The following SERGEF variants were observed in gnomAD, a reference collection of about 807,000 sequenced individuals.
The protein encoded by SERGEF is secretion regulating guanine nucleotide exchange factor, also known as secretion-regulating guanine nucleotide exchange factor.
A neutral mutation model predicts 50.0 loss-of-function variants in SERGEF; 51 were observed. The observed-to-expected ratio is 1.02, with a 90% CI of 0.81 to 1.29. SERGEF has a LOEUF of 1.29. Ranked by LOEUF, SERGEF falls within the 50% of genes most tolerant of loss-of-function variation. The pLI is 0.00. For synonymous variants in SERGEF, 205 were observed against 212.4 expected (o/e 0.97, Z 0.30); for missense variants, 521 against 557.0 (o/e 0.94, Z 0.65).
At chr11:17,897,330 C>T (rs1311434030) in intron 9 of SERGEF, among the ~76,000 whole-genome samples, 1 of 152,164 alleles carries the variant, frequency 6.6e-6, no homozygotes, top group African/African-American at 2.4e-5. Context: ...GAATCCAGTC[C>T]AGCTGACACC....
intron 10 of SERGEF, among the ~76,000 whole-genome samples, chr11:17,823,831 A>C (rs1244616852): frequency 6.6e-5 from 10 of 152,172 alleles, no homozygotes; most frequent in Non-Finnish European, 5.9e-5. Flanking sequence ...TTACCTACTT[A>C]TTATCCATTC....
chr11:17,874,658 C>A (rs1851209645), intron 10 of SERGEF, among the ~76,000 whole-genome samples: 1 of 152,220 alleles, frequency 6.6e-6, no homozygotes, highest in East Asian at 1.9e-4. Context: ...CAGGCTGGAA[C>A]ATGCAGGGCC....
chr11:17,903,015 G>T (rs554315539), intron 9 of SERGEF, among the ~76,000 whole-genome samples: 1 of 152,164 alleles, frequency 6.6e-6, no homozygotes, highest in African/African-American at 2.4e-5. Context: ...GGCTTTCCTC[G>T]GAAGGATAAA....
At chr11:17,958,463 C>T (rs144510484) in intron 9 of SERGEF, among the ~76,000 whole-genome samples, 237 of 152,182 alleles carry the variant, frequency 1.6e-3, no homozygotes, top group African/African-American at 5.5e-3. Context: ...CAGAAACGCA[C>T]ACCCTGGAGA....
intron 3 of SERGEF, 24 bp downstream of exon 3, chr11:18,006,567 A>C (rs751433821): frequency 6.2e-7 from 1 of 1,604,044 alleles, no homozygotes; most frequent in Non-Finnish European, 8.5e-7. Context: ...GTGGTGACAA[A>C]AATCTACCTA....
chr11:17,969,709 G>A (rs533175849), intron 8 of SERGEF, among the ~76,000 whole-genome samples: 1 of 152,170 alleles, frequency 6.6e-6, no homozygotes, highest in African/African-American at 2.4e-5. Context: ...CTGCCTGGTG[G>A]GGACAGGAAA....
At chr11:17,981,288 C>T (rs1853490951) in intron 8 of SERGEF, among the ~76,000 whole-genome samples, 1 of 152,232 alleles carries the variant, frequency 6.6e-6, no homozygotes, top group African/African-American at 2.4e-5. Context: ...TCACAAATAT[C>T]TGCTAAAGGA....
Position 18,012,938 on chromosome 11 carries a change from C to G in SERGEF, c.60+13G>C. Reference sequence around the variant, plus strand: ...CTCAGGGCCTGCACCGGCCCGGGGGCGGAGTCACGTACCCAGGCGAAGAGC... The same window carrying G: ...CTCAGGGCCTGCACCGGCCCGGGGGGGGAGTCACGTACCCAGGCGAAGAGC... On this transcript the variant is annotated intron_variant, in intron 1 of 10. Transcript: ENST00000265965. 1.3e-6 allele frequency: 2 copies of G among 1,516,852 alleles called. No individual in the cohort carries two copies. The highest frequency in any genetic ancestry group is 1.8e-6 in the Non-Finnish European group (2 of 1,140,888). 94.0% of individuals were successfully genotyped at this position (1,516,852 alleles called of 1,614,324 possible). A position where few individuals can be genotyped will look rare whatever the true frequency, so the allele number is the denominator to read the frequency against.
intron 10 of SERGEF, among the ~76,000 whole-genome samples, chr11:17,868,284 A>C (rs1851069038): frequency 6.6e-6 from 1 of 152,102 alleles, no homozygotes; most frequent in Non-Finnish European, 1.5e-5. Flanking sequence ...ACATACCCTA[A>C]ATCATTTCTC....
At chr11:17,958,494 A>C (rs1320385447) in intron 9 of SERGEF, among the ~76,000 whole-genome samples, 1 of 152,210 alleles carries the variant, frequency 6.6e-6, no homozygotes, top group Non-Finnish European at 1.5e-5. Flanking sequence ...CCTGCCTTAA[A>C]TGTAGAAATT....
At chr11:17,858,269 C>A (rs996029479) in intron 10 of SERGEF, among the ~76,000 whole-genome samples, 1 of 152,010 alleles carries the variant, frequency 6.6e-6, no homozygotes, top group Non-Finnish European at 1.5e-5. Flanking sequence ...TATTATCTGG[C>A]GAAACTGACC....
intron 10 of SERGEF, among the ~76,000 whole-genome samples, chr11:17,838,450 C>T (rs553881068): frequency 1.3e-5 from 2 of 152,090 alleles, no homozygotes; most frequent in Non-Finnish European, 2.9e-5. Context: ...GTAGAAAGAC[C>T]ACTAGATTAG....
At chr11:17,866,777 T>C (rs2133887969) in intron 10 of SERGEF, 1 of 152,316 alleles carries the variant, frequency 6.6e-6, no homozygotes, top group Non-Finnish European at 1.5e-5. Context: ...AAGAAAGAGA[T>C]TTAATGGACT....
intron 6 of SERGEF, 40 bp from the exon 7 acceptor site, chr11:17,993,033 C>T (rs1853753164): frequency 1.3e-6 from 2 of 1,570,412 alleles, no homozygotes; most frequent in East Asian, 2.2e-5. Flanking sequence ...ACATTTATAA[C>T]AGAACAAACT....
intron 10 of SERGEF, among the ~76,000 whole-genome samples, chr11:17,840,011 G>C (rs1370307046): frequency 6.6e-6 from 1 of 152,184 alleles, no homozygotes; most frequent in African/African-American, 2.4e-5. Flanking sequence ...AAGAATCAGA[G>C]AATCTTAAAG....
At chr11:17,965,479 A>G (rs1237522543) in intron 8 of SERGEF, among the ~76,000 whole-genome samples, 2 of 151,690 alleles carry the variant, frequency 1.3e-5, no homozygotes, top group African/African-American at 4.9e-5. Context: ...CACCTAGTCA[A>G]CTCCTACTCA....
At chr11:17,851,020 G>A (rs1171024548) in intron 10 of SERGEF, among the ~76,000 whole-genome samples, 3 of 152,126 alleles carry the variant, frequency 2.0e-5, no homozygotes, top group East Asian at 1.9e-4. Flanking sequence ...ACTCAGCCTC[G>A]ATGTCCTTTT....
intron 5 of SERGEF, among the ~76,000 whole-genome samples, chr11:17,999,330 T>C (rs1468933331): frequency 1.3e-5 from 2 of 152,234 alleles, no homozygotes; most frequent in Non-Finnish European, 2.9e-5. Context: ...TTTTGCAAGA[T>C]ACCATTAGGG....
chr11:17,869,071 G>A lies in SERGEF; in HGVS notation c.1048+9137C>T, dbSNP rs543224220. Among the ~76,000 whole-genome samples the A allele has an allele frequency of 1.3e-4, 20 of 152,240 alleles. No homozygotes were observed. In the East Asian group the frequency reaches 3.3e-3, roughly 25 times the overall value. ...CCCAAAGTGCTGGGATTACAGGTGT[G>A]AGCGACTGACCCTGGCCACGTATCC... is the stretch of plus-strand genomic sequence containing the variant. On this transcript the variant is annotated intron_variant, in intron 10 of 10. Transcript: ENST00000265965.
Sources: gnomAD v4.1 joint callset for allele counts (sites outside exome capture counted in the v4.1 genomes callset) on GRCh38, gnomAD v4.1.1 for gene constraint, MANE v1.5 for transcripts, NCBI Gene and HGNC (gene_info 2026-07-23, HGNC 2026-07-21) for gene names.